Variants in COPS3 observed in about 807,000 individuals in gnomAD.
COPS3 encodes COP9 signalosome subunit 3.
COPS3 carries 10 observed loss-of-function variants against 58.2 expected under a neutral mutation model. The observed-to-expected ratio is 0.17, with a 90% CI of 0.11 to 0.29. The LOEUF (loss-of-function observed/expected upper bound fraction) is 0.29, where lower values mean the gene tolerates loss of function less well. Ranked by LOEUF, COPS3 falls within the 10% of genes least tolerant of loss-of-function variation. COPS3 has a pLI of 1.00. For synonymous variants in COPS3, 187 were observed against 181.7 expected, an observed-to-expected ratio of 1.03 and a Z score of -0.24; for missense variants, 333 against 510.1, an observed-to-expected ratio of 0.65 and a Z score of 3.34.
chr17:17,250,738 T>G (rs547144727), intron 9 of COPS3, among the ~76,000 whole-genome samples: 1 of 152,214 alleles, frequency 6.6e-6, no homozygotes. Flanking sequence ...ACGGTGATAA[T>G]AACTTGTCCA....
At chr17:17,271,435 C>T (rs2048337451) in intron 2 of COPS3, among the ~76,000 whole-genome samples, 1 of 150,512 alleles carries the variant, frequency 6.6e-6, no homozygotes, top group African/African-American at 2.4e-5. Context: ...TCTCAAAAAA[C>T]AAATAAATAA....
chr17:17,267,224 G>A (rs547434267), intron 5 of COPS3, among the ~76,000 whole-genome samples: 6 of 151,638 alleles, frequency 4.0e-5, no homozygotes, highest in Admixed American at 1.3e-4. Context: ...TGTAGTCCCA[G>A]CTACTCGGGA....
At chr17:17,269,782 T>C (rs1429767229) in intron 4 of COPS3, among the ~76,000 whole-genome samples, 1 of 152,180 alleles carries the variant, frequency 6.6e-6, no homozygotes, top group Non-Finnish European at 1.5e-5. Context: ...ACAGCTAATG[T>C]CCTTTTATAG....
At chr17:17,266,375 G>A (rs528291735) in intron 5 of COPS3, among the ~76,000 whole-genome samples, 1 of 152,268 alleles carries the variant, frequency 6.6e-6, no homozygotes, top group South Asian at 2.1e-4. Flanking sequence ...TTTTTGGAAG[G>A]ATACACGAGA....
intron 8 of COPS3, among the ~76,000 whole-genome samples, chr17:17,255,972 A>T (rs1352645067): frequency 6.6e-6 from 1 of 151,246 alleles, no homozygotes; most frequent in East Asian, 1.9e-4. Context: ...CATCGAGACC[A>T]TCCTGGCTAA....
At chr17:17,262,159 A>G (rs1421154691) in intron 6 of COPS3, 53 bp from the exon 7 acceptor site, 11 of 1,514,150 alleles carry the variant, frequency 7.3e-6, no homozygotes, top group Non-Finnish European at 9.8e-6. Flanking sequence ...AGTAGCAAAC[A>G]ACAATCAACC....
intron 2 of COPS3, among the ~76,000 whole-genome samples, chr17:17,274,545 C>G (rs1267215701): frequency 1.3e-5 from 2 of 151,806 alleles, no homozygotes; most frequent in African/African-American, 4.8e-5. Flanking sequence ...CTGCCTCAGC[C>G]TCCCGAGTAG....
intron 6 of COPS3, among the ~76,000 whole-genome samples, chr17:17,263,599 C>T (rs1399784078): frequency 1.3e-5 from 2 of 150,082 alleles, no homozygotes; most frequent in East Asian, 4.0e-4. Context: ...CTGCAACCTC[C>T]GCCTCTTGGG....
chr17:17,280,895 G>T, intron 1 of COPS3: 1 of 958,318 alleles, frequency 1.0e-6, no homozygotes, highest in East Asian at 2.9e-5. Flanking sequence ...GGGGGAGGGG[G>T]CTCCCGGCGG....
intron 4 of COPS3, among the ~76,000 whole-genome samples, chr17:17,269,119 G>A (rs756267958): frequency 2.0e-5 from 3 of 152,080 alleles, no homozygotes; most frequent in Non-Finnish European, 4.4e-5. Context: ...GAGGTCAGGA[G>A]TTCTAGAGGC....
chr17:17,249,090 T>G, intron 9 of COPS3, 51 bp from the exon 10 acceptor site: 1 of 945,402 alleles, frequency 1.1e-6, no homozygotes, highest in East Asian at 2.4e-5. Flanking sequence ...ACCTGAATGC[T>G]ATATGAATAG....
At chr17:17,260,245 G>A (rs2048062895) in intron 8 of COPS3, 56 bp downstream of exon 8, 1 of 1,551,682 alleles carries the variant, frequency 6.4e-7, no homozygotes, top group Non-Finnish European at 8.8e-7. Context: ...GAGAGAAAGG[G>A]AAACATGGCC....
intron 7 of COPS3, 73 bp downstream of exon 7, chr17:17,261,893 A>T: frequency 3.7e-6 from 5 of 1,352,110 alleles, no homozygotes; most frequent in Middle Eastern, 2.0e-4. Context: ...GAAGTTACAG[A>T]ACTGTATCAT....
Position 17,262,055 on chromosome 17 carries a change from T to G in COPS3, c.673A>C (p.Lys225Gln), listed in dbSNP as rs1205946044. 1 of 1,611,890 alleles carries G rather than the reference T, an allele frequency of 6.2e-7. No homozygotes were observed. The highest frequency in any genetic ancestry group is 2.2e-5 in the East Asian group (1 of 44,850). The change falls in exon 7 of 12, where the codon AAA (lysine) becomes CAA (glutamine). Residue 225 changes from lysine (K) to glutamine (Q), a missense_variant. Transcript: ENST00000268717. ...AVSHIMLESY[K>Q]KYILVSLILL... ...ATCAAAGACACTAAAATATACTTTT[T>G]ATATGATTCCAACATGATATGACTG...
Position 17,270,883 on chromosome 17 carries a change from T to C in COPS3, c.298+13A>G. 1 of 1,610,898 alleles carries C rather than the reference T, an allele frequency of 6.2e-7. No homozygotes were observed. The highest frequency in any genetic ancestry group is 8.5e-7 in the Non-Finnish European group (1 of 1,177,758). ...AATATTTTCAATGGAGAATAAAATG[T>C]TATTTAGCTTACAAGTGTCTGTTGC... On this transcript the variant is annotated intron_variant, in intron 3 of 11. Transcript: ENST00000268717.
chr17:17,267,035 G>A (rs1213571505), intron 5 of COPS3, among the ~76,000 whole-genome samples: 2 of 149,462 alleles, frequency 1.3e-5, no homozygotes, highest in Non-Finnish European at 3.0e-5. Context: ...AAAATGATTC[G>A]GGATTTTAAA....
intron 10 of COPS3, among the ~76,000 whole-genome samples, chr17:17,248,083 TCTC>T (rs1225504034): frequency 4.6e-5 from 7 of 152,076 alleles, no homozygotes; most frequent in Non-Finnish European, 1.0e-4. Context: ...GCTTTGCTCT[TCTC>T]CTCCAGCCAC....
intron 7 of COPS3, among the ~76,000 whole-genome samples, chr17:17,261,283 T>C (rs763515920): frequency 2.0e-5 from 3 of 151,596 alleles, no homozygotes; most frequent in South Asian, 2.1e-4. Context: ...TCCCAGCACT[T>C]TGGGAGGCCG....
intron 2 of COPS3, among the ~76,000 whole-genome samples, chr17:17,271,842 A>C (rs1567860664): frequency 2.1e-5 from 3 of 140,456 alleles, no homozygotes; most frequent in African/African-American, 8.0e-5. Flanking sequence ...ATATATATCT[A>C]TATATATATA....
Sources: allele counts gnomAD v4.1 joint callset (sites outside exome capture counted in the v4.1 genomes callset), GRCh38; gene constraint gnomAD v4.1.1; transcripts MANE v1.5; gene names NCBI Gene and HGNC (gene_info 2026-07-23, HGNC 2026-07-21).